EPB41L4A: variants seen among roughly 807,000 people sequenced by gnomAD.
The protein encoded by EPB41L4A is erythrocyte membrane protein band 4.1 like 4A, also known as band 4.1-like protein 4A.
EPB41L4A carries 100 observed loss-of-function variants against 108.6 expected under a neutral mutation model. That is an observed-to-expected ratio of 0.92 (90% CI 0.78 to 1.09). The LOEUF is 1.09. Ranked by LOEUF, EPB41L4A falls within the 50% of genes least tolerant of loss-of-function variation. EPB41L4A has a pLI of 0.00. For synonymous variants in EPB41L4A, 319 were observed against 289.0 expected, an observed-to-expected ratio of 1.10 and a Z score of -1.05; for missense variants, 1,030 against 842.7, an observed-to-expected ratio of 1.22 and a Z score of -2.75.
intron 12 of EPB41L4A, among the ~76,000 whole-genome samples, chr5:112,230,487 T>C (rs139247611): frequency 1.9e-3 from 297 of 152,318 alleles, no homozygotes; most frequent in African/African-American, 6.9e-3. Flanking sequence ...ATTAGTGATG[T>C]TGAGCATGTT....
downstream of EPB41L4A, among the ~76,000 whole-genome samples, chr5:112,142,065 C>T (rs1187899131): frequency 6.6e-6 from 1 of 152,168 alleles, no homozygotes; most frequent in African/African-American, 2.4e-5. Context: ...CAATACCAGA[C>T]TCTCTGTGCC....
At chr5:112,319,729 A>C (rs1192454810) in intron 1 of EPB41L4A, among the ~76,000 whole-genome samples, 1 of 152,236 alleles carries the variant, frequency 6.6e-6, no homozygotes, top group African/African-American at 2.4e-5. Flanking sequence ...CTTTTAAAAC[A>C]TAAGAAAATG....
chr5:112,260,151 T>G (rs1751396450), intron 7 of EPB41L4A, among the ~76,000 whole-genome samples, 172 bp from the exon 8 acceptor site: 1 of 152,260 alleles, frequency 6.6e-6, no homozygotes, highest in African/African-American at 2.4e-5. Flanking sequence ...TTGCTTATTT[T>G]TTTCAAAGTT....
At chr5:112,271,080 A>C (rs1475416137) in intron 4 of EPB41L4A, among the ~76,000 whole-genome samples, 1 of 152,164 alleles carries the variant, frequency 6.6e-6, no homozygotes, top group African/African-American at 2.4e-5. Flanking sequence ...GTCACCACTG[A>C]AACTCCTTTT....
chr5:112,302,367 C>A (rs551177039), intron 2 of EPB41L4A, among the ~76,000 whole-genome samples: 75 of 152,194 alleles, frequency 4.9e-4, no homozygotes, highest in African/African-American at 1.7e-3. Context: ...TTGAAAATCA[C>A]TGATCTCAGA....
chr5:112,214,389 A>C (rs752789249), intron 12 of EPB41L4A, among the ~76,000 whole-genome samples: 42 of 152,264 alleles, frequency 2.8e-4, no homozygotes, highest in Non-Finnish European at 5.0e-4. Context: ...AATATCAGAC[A>C]TAAGAAAAGG....
At chr5:112,259,349 A>G (rs1316017626) in intron 8 of EPB41L4A, 57 bp from the exon 9 acceptor site, 2 of 1,428,960 alleles carry the variant, frequency 1.4e-6, no homozygotes, top group East Asian at 2.3e-5. Context: ...CTTTCAGAAA[A>G]TCAGGGAAGT....
At chr5:112,398,204 T>C (rs1470157290) in intron 1 of EPB41L4A, among the ~76,000 whole-genome samples, 2 of 152,216 alleles carry the variant, frequency 1.3e-5, no homozygotes, top group Non-Finnish European at 2.9e-5. Context: ...TCATTCAATA[T>C]ATTAAAAAAA....
chr5:112,183,891 G>A, intron 18 of EPB41L4A, 125 bp downstream of exon 18: 1 of 1,215,072 alleles, frequency 8.2e-7, no homozygotes. Flanking sequence ...ATATTAGAAG[G>A]TAAATATGAC....
intron 1 of EPB41L4A, among the ~76,000 whole-genome samples, chr5:112,358,557 G>A (rs1392335001): frequency 2.0e-5 from 3 of 152,316 alleles, no homozygotes; most frequent in Non-Finnish European, 2.9e-5. Flanking sequence ...GGATGATACT[G>A]AGTAATGGCA....
At chr5:112,350,548 T>G (rs1757972985) in intron 1 of EPB41L4A, among the ~76,000 whole-genome samples, 1 of 152,234 alleles carries the variant, frequency 6.6e-6, no homozygotes, top group African/African-American at 2.4e-5. Flanking sequence ...GTCACCCTAC[T>G]ATGCTATTGA....
intron 12 of EPB41L4A, among the ~76,000 whole-genome samples, chr5:112,220,726 AC>A (rs1747984732): frequency 6.6e-6 from 1 of 151,904 alleles, no homozygotes; most frequent in African/African-American, 2.4e-5. Flanking sequence ...TCATCTCCCA[AC>A]CCTCTGTCAT....
intron 4 of EPB41L4A, 80 bp downstream of exon 4, chr5:112,275,246 C>T: frequency 6.9e-7 from 1 of 1,449,450 alleles, no homozygotes; most frequent in Non-Finnish European, 9.2e-7. Context: ...AAACGTTTAG[C>T]CCAATTTTAA....
At chr5:112,396,899 C>G (rs1761390287) in intron 1 of EPB41L4A, among the ~76,000 whole-genome samples, 1 of 152,208 alleles carries the variant, frequency 6.6e-6, no homozygotes, top group Non-Finnish European at 1.5e-5. Context: ...CAATGACCAA[C>G]ATGGTGCAAG....
chr5:112,153,180 T>A (rs113285653), intron 12 of EPB41L4A, among the ~76,000 whole-genome samples: 5 of 147,298 alleles, frequency 3.4e-5, no homozygotes, highest in African/African-American at 1.3e-4. Context: ...GATCAAACCA[T>A]TGCACTCCAG....
rs765634993 is a variant in EPB41L4A at position 112,275,406 on chromosome 5, T to A, written c.257-2A>T. 2 of 1,534,304 alleles carry A rather than the reference T, an allele frequency of 1.3e-6. No homozygotes were observed. The highest frequency in any genetic ancestry group is 1.8e-6 in the Non-Finnish European group (2 of 1,135,288). Reference sequence around the variant, plus strand: ...AATACAAAGTATATGGAGGTCCAGCTAAAATAAGAAATAGAAATTAAATTT... The same window carrying A: ...AATACAAAGTATATGGAGGTCCAGCAAAAATAAGAAATAGAAATTAAATTT... On this transcript the variant is annotated splice_acceptor_variant, in intron 3 of 22. Transcript: ENST00000261486. LOFTEE classifies it high-confidence loss of function.
chr5:112,240,919 G>T, intron 9 of EPB41L4A, 109 bp from the exon 10 acceptor site: 1 of 616,136 alleles, frequency 1.6e-6, no homozygotes, highest in Non-Finnish European at 2.8e-6. Context: ...AGAGATTATT[G>T]ATAATATATA....
chr5:112,348,016 C>T (rs1219162876), intron 1 of EPB41L4A, among the ~76,000 whole-genome samples: 1 of 152,222 alleles, frequency 6.6e-6, no homozygotes, highest in African/African-American at 2.4e-5. Context: ...TTGAGCTTCT[C>T]TACTATGTGG....
At chr5:112,156,475 C>T (rs1217373354) in intron 12 of EPB41L4A, among the ~76,000 whole-genome samples, 1 of 150,566 alleles carries the variant, frequency 6.6e-6, no homozygotes, top group Non-Finnish European at 1.5e-5. Flanking sequence ...AGGCAGACAG[C>T]AAGCGAATCC....
Sources: gnomAD v4.1 joint callset for allele counts (sites outside exome capture counted in the v4.1 genomes callset) on GRCh38, gnomAD v4.1.1 for gene constraint, MANE v1.5 for transcripts, NCBI Gene and HGNC (gene_info 2026-07-23, HGNC 2026-07-21) for gene names.